The following DNAH10 variants were observed in gnomAD, a reference collection of about 807,000 sequenced individuals.
DNAH10 encodes axonemal beta dynein heavy chain 10.
DNAH10 carries 348 observed loss-of-function variants against 506.6 expected under a neutral mutation model. That is an observed-to-expected ratio of 0.69 (90% CI 0.63 to 0.75). The LOEUF is 0.75. DNAH10 is among the 30% of genes least tolerant of loss of function. The probability of loss-of-function intolerance (pLI) is 0.00; values close to 1 mark genes in which losing one functional copy is unlikely to be tolerated. For synonymous variants in DNAH10, 2,059 were observed against 2,198.6 expected, an observed-to-expected ratio of 0.94 and a Z score of 1.78; for missense variants, 5,179 against 5,787.1, an observed-to-expected ratio of 0.89 and a Z score of 3.41.
intron 43 of DNAH10, among the ~76,000 whole-genome samples, chr12:123,869,838 A>G (rs1389730888): frequency 6.6e-6 from 1 of 152,112 alleles, no homozygotes; most frequent in Non-Finnish European, 1.5e-5. Context: ...AGCGGAGGCG[A>G]TGGTGATTAC....
chr12:123,784,226 C>A lies in DNAH10; in HGVS notation c.1230+49C>A, dbSNP rs774951230. On this transcript the variant is annotated intron_variant, in intron 8 of 78. Transcript: ENST00000673944. ...GCAGTCAGCTCTGTCAAAGAGATTT[C>A]ATATGATTTAATTTCCCTTTTAAAA... 2.6e-6 allele frequency: 4 copies of A among 1,550,188 alleles called. No homozygotes were observed. In the South Asian group the frequency reaches 3.3e-5, roughly 13 times the overall value.
At chr12:123,881,977 G>A in intron 51 of DNAH10, 164 bp downstream of exon 51, 1 of 605,752 alleles carries the variant, frequency 1.7e-6, no homozygotes, top group Non-Finnish European at 2.5e-6. Flanking sequence ...TTTTTGGCTT[G>A]ATATTACTAT....
At chr12:123,821,521 C>T (rs1446828347) in intron 24 of DNAH10, among the ~76,000 whole-genome samples, 2 of 152,062 alleles carry the variant, frequency 1.3e-5, no homozygotes, top group Non-Finnish European at 2.9e-5. Context: ...TTAGTAGAGG[C>T]AATGTCTCAC....
chr12:123,899,343 CT>C (rs1953409412), intron 56 of DNAH10, among the ~76,000 whole-genome samples: 3 of 152,144 alleles, frequency 2.0e-5, no homozygotes, highest in Admixed American at 6.5e-5. Flanking sequence ...TGTGCCTGGC[CT>C]CTAAGCCTCC....
chr12:123,777,906 G>T (rs988579125), intron 5 of DNAH10, among the ~76,000 whole-genome samples: 2 of 152,016 alleles, frequency 1.3e-5, no homozygotes, highest in African/African-American at 4.8e-5. Context: ...CAAGTGATCT[G>T]CCCTCCTCGG....
intron 54 of DNAH10, among the ~76,000 whole-genome samples, chr12:123,895,543 A>G (rs751836514): frequency 6.6e-6 from 1 of 152,176 alleles, no homozygotes; most frequent in Non-Finnish European, 1.5e-5. Flanking sequence ...CAACTACTCA[A>G]TTCTGCCATT....
In DNAH10 at chr12:123,813,764, A is replaced by G. The variant is rs1959036901; in HGVS notation, c.3632A>G (p.Lys1211Arg). 6.2e-7 allele frequency: 1 copy of G among 1,613,408 alleles called. No individual in the cohort carries two copies. Residue 1211 changes from lysine (K) to arginine (R), a missense_variant, in exon 21 of 79, where the codon AAA becomes AGA. By Grantham distance (26) the Lys-to-Arg change is conservative. This residue lies in a region of DNAH10 where 4,844 missense variants were observed against 5,430.5 expected (regional missense o/e 0.89). Transcript: ENST00000673944. Reference protein sequence around the residue: ...NLHEEMEHLAKNLRKIPNTLE... With the variant: ...NLHEEMEHLARNLRKIPNTLE... ...TACTTTCTGTTATAGCACCTGGCCA[A>G]AAACCTTAGGAAGATCCCCAATACC... is the stretch of plus-strand genomic sequence containing the variant.
chr12:123,911,182 A>G (rs1437518886), intron 59 of DNAH10, among the ~76,000 whole-genome samples: 1 of 142,154 alleles, frequency 7.0e-6, no homozygotes, highest in Non-Finnish European at 1.5e-5. Context: ...AAAAAAAAAA[A>G]AATGACGTAA....
chr12:123,764,052 G>A (rs1956929230), intron 1 of DNAH10, among the ~76,000 whole-genome samples: 1 of 151,628 alleles, frequency 6.6e-6, no homozygotes, highest in African/African-American at 2.4e-5. Context: ...TTCTAGTAGA[G>A]ACAGGGTTTC....
chr12:123,931,326 TCTC>T lies in DNAH10; in HGVS notation c.12785-14_12785-12del, dbSNP rs942362439. 6 of 1,612,954 alleles carry T rather than the reference TCTC, an allele frequency of 3.7e-6. No homozygotes were observed. The highest frequency in any genetic ancestry group is 2.7e-5 in the African/African-American group (2 of 74,918). On this transcript the variant is annotated splice_polypyrimidine_tract_variant and intron_variant, in intron 73 of 78. Transcript: ENST00000673944. Reference sequence around the variant, plus strand: ...GGCTGGACAGTGCCACCTCCGTTGTTCTCTGTGATTGCAGAAGCCATCGAGGCC... The same window carrying T: ...GGCTGGACAGTGCCACCTCCGTTGTTTGTGATTGCAGAAGCCATCGAGGCC...
At chr12:123,930,097 C>T in intron 72 of DNAH10, 2 of 516,914 alleles carry the variant, frequency 3.9e-6, no homozygotes, top group East Asian at 3.1e-5. Context: ...AAGACAGAAG[C>T]AGCTGCTGGC....
At position 123,917,265 on chromosome 12, in the gene DNAH10, C is replaced by T. The variant is rs1954523487; in HGVS notation, c.11003-319C>T. 6.6e-6 allele frequency among the ~76,000 whole-genome samples: 1 copy of T among 152,140 alleles called. No individual in the cohort carries two copies. Among genetic ancestry groups the T allele is most frequent in the Admixed American group, 6.5e-5 (1 of 15,274 alleles). On this transcript the variant is annotated intron_variant, in intron 63 of 78. Coordinates refer to ENST00000673944, the MANE Select transcript of DNAH10 (RefSeq NM_001372106.1). This position sits in a 1 kb window ranked among gnomAD's most constrained non-coding sequence, Gnocchi z 5.6. ...CAAGTGATCCTCCTGCCTCTGCCTC[C>T]CAAAGTGCTGGGATTACAGGCATGA... is the stretch of plus-strand genomic sequence containing the variant.
chr12:123,908,069 C>T (rs1216527687), intron 57 of DNAH10, among the ~76,000 whole-genome samples: 1 of 130,630 alleles, frequency 7.7e-6, no homozygotes, highest in Non-Finnish European at 1.6e-5. Context: ...CTCAGGCTGT[C>T]TCCTCCCTGT....
chr12:123,779,181 G>T (rs1244627741), intron 5 of DNAH10, among the ~76,000 whole-genome samples: 1 of 151,972 alleles, frequency 6.6e-6, no homozygotes, highest in East Asian at 1.9e-4. Context: ...GGGATTACAG[G>T]TGTGAGCCAC....
At chr12:123,806,641 G>C (rs2136306807) in intron 18 of DNAH10, among the ~76,000 whole-genome samples, 1 of 152,202 alleles carries the variant, frequency 6.6e-6, no homozygotes, top group Middle Eastern at 3.4e-3. Flanking sequence ...TCTCTAAGTT[G>C]ATCCTTTAAA....
intron 24 of DNAH10, among the ~76,000 whole-genome samples, chr12:123,825,568 A>G (rs1959892669): frequency 6.6e-6 from 1 of 152,226 alleles, no homozygotes; most frequent in Non-Finnish European, 1.5e-5. Context: ...GTATTATTCC[A>G]TTCATAAAAA....
At chr12:123,880,500 C>A (rs1481363590) in intron 50 of DNAH10, among the ~76,000 whole-genome samples, 2 of 151,740 alleles carry the variant, frequency 1.3e-5, no homozygotes, top group Non-Finnish European at 2.9e-5. Flanking sequence ...TCACCGTGCC[C>A]AGCTGATTTT....
rs151138731 is a variant in DNAH10, at chr12:123,818,622, C to A, written c.3781-328C>A. Among the ~76,000 whole-genome samples the A allele has an allele frequency of 7.2e-5, 11 of 152,252 alleles. No homozygotes were observed. The East Asian group carries it at 2.1e-3, about 29-fold the overall frequency. ...TATAGGCGTGAGCCACTGTGCCCAG[C>A]CTAATATTTCTTTTTAAAATTTCTT... On this transcript the variant is annotated intron_variant, in intron 21 of 78. Transcript: ENST00000673944.
At chr12:123,871,669 A>G (rs1358067087) in intron 45 of DNAH10, 67 bp downstream of exon 45, 2 of 1,501,290 alleles carry the variant, frequency 1.3e-6, no homozygotes, top group Admixed American at 2.0e-5. Context: ...TAGCAGCTTC[A>G]TACCACAAGC....
Sources: gnomAD v4.1 joint callset for allele counts (sites outside exome capture counted in the v4.1 genomes callset) on GRCh38, gnomAD v4.1.1 for gene constraint, gnomAD v4.1.1 regional missense constraint, Gnocchi (gnomAD v3.1) non-coding constraint, MANE v1.5 for transcripts, NCBI Gene and HGNC (gene_info 2026-07-23, HGNC 2026-07-21) for gene names.